The following HECW2 variants were observed in gnomAD, a reference collection of about 807,000 sequenced individuals.
HECW2 encodes the protein HECT, C2 and WW domain containing E3 ubiquitin protein ligase 2, also known as E3 ubiquitin-protein ligase HECW2.
In HECW2, 61 loss-of-function variants were observed where a neutral mutation model predicts 175.2. The observed-to-expected ratio is 0.35, with a 90% CI of 0.28 to 0.43. The LOEUF is 0.43. Ranked by LOEUF, HECW2 falls within the 20% of genes least tolerant of loss-of-function variation. The pLI is 1.00. For missense variants in HECW2, 1,524 were observed against 2,000.5 expected (o/e 0.76, Z 4.54); for synonymous variants, 671 against 731.0 (o/e 0.92, Z 1.32).
At chr2:196,232,292 A>G (rs1465104805) in intron 21 of HECW2, among the ~76,000 whole-genome samples, 1 of 152,202 alleles carries the variant, frequency 6.6e-6, no homozygotes, top group Non-Finnish European at 1.5e-5. Flanking sequence ...TTTACCTCTG[A>G]GTATTTTAAT....
At position 196,441,381 on chromosome 2, in the gene HECW2, A is replaced by AAACAC. The variant is rs1553518076; in HGVS notation, c.-35-7924_-35-7923insGTGTT. ...ACACAACATACAACACACACACACA[A>AAACAC]ACACACACACACACACTTGTTCAAC... On this transcript the variant is annotated intron_variant, in intron 1 of 28. Coordinates refer to ENST00000644978, the MANE Select transcript of HECW2 (RefSeq NM_001348768.2). Among the ~76,000 whole-genome samples, 163 of 151,264 alleles carry AAACAC rather than the reference A, an allele frequency of 1.1e-3. 1 individual carries two copies. Among genetic ancestry groups the AAACAC allele is most frequent in the South Asian group, 2.5e-3 (12 of 4,780 alleles).
chr2:196,573,374 TA>T (rs987713615), intron 1 of HECW2, among the ~76,000 whole-genome samples: 1 of 152,098 alleles, frequency 6.6e-6, no homozygotes, highest in Admixed American at 6.6e-5. Context: ...CAGTGTGCTT[TA>T]TTTTTTTTAA....
intron 2 of HECW2, among the ~76,000 whole-genome samples, chr2:196,421,892 A>G (rs1695415831): frequency 6.6e-6 from 1 of 152,140 alleles, no homozygotes; most frequent in Non-Finnish European, 1.5e-5. Flanking sequence ...GCAATTTTCG[A>G]AAACCCATCT....
At chr2:196,348,522 C>T (rs1449338724) in intron 2 of HECW2, among the ~76,000 whole-genome samples, 1 of 152,060 alleles carries the variant, frequency 6.6e-6, no homozygotes, top group Non-Finnish European at 1.5e-5. Flanking sequence ...GTGGCATGCA[C>T]CTGTAGCCCT....
chr2:196,431,795 A>G (rs897019656), intron 2 of HECW2, among the ~76,000 whole-genome samples: 4 of 152,246 alleles, frequency 2.6e-5, no homozygotes, highest in African/African-American at 9.6e-5. Context: ...CCATAAGGAA[A>G]AAAAAGAGAG....
intron 10 of HECW2, chr2:196,316,691 C>T (rs1691711783): frequency 6.5e-6 from 1 of 153,368 alleles, no homozygotes. Flanking sequence ...CCCTAATCCT[C>T]CACCATTTCT....
At chr2:196,542,605 G>A (rs1294535778) in intron 1 of HECW2, among the ~76,000 whole-genome samples, 2 of 151,884 alleles carry the variant, frequency 1.3e-5, no homozygotes, top group Admixed American at 6.6e-5. Flanking sequence ...TTTTCTGTCA[G>A]CCACCCATTC....
intron 14 of HECW2, among the ~76,000 whole-genome samples, chr2:196,281,743 A>G (rs764989262): frequency 6.6e-6 from 1 of 151,996 alleles, no homozygotes; most frequent in Non-Finnish European, 1.5e-5. Flanking sequence ...AAAACCACAA[A>G]CAGAAGATTT....
At chr2:196,307,886 T>C in intron 11 of HECW2, 49 bp downstream of exon 11, 1 of 1,428,336 alleles carries the variant, frequency 7.0e-7, no homozygotes, top group Non-Finnish European at 9.3e-7. Flanking sequence ...CAAGTAAAAA[T>C]TAGCCCAACC....
At chr2:196,399,069 A>T (rs1391700682) in intron 2 of HECW2, among the ~76,000 whole-genome samples, 1 of 152,208 alleles carries the variant, frequency 6.6e-6, no homozygotes. Flanking sequence ...ATTTCAATTC[A>T]TGATGACATA....
chr2:196,489,521 T>C (rs1401903993), intron 1 of HECW2, among the ~76,000 whole-genome samples: 3 of 152,236 alleles, frequency 2.0e-5, no homozygotes, highest in South Asian at 4.1e-4. Context: ...AGGGTTAACA[T>C]ACTCCAAATC....
At chr2:196,260,840 T>A (rs1174525289) in intron 17 of HECW2, among the ~76,000 whole-genome samples, 1 of 152,216 alleles carries the variant, frequency 6.6e-6, no homozygotes, top group Non-Finnish European at 1.5e-5. Context: ...GCATCCTTGG[T>A]CTACTAGAAA....
At chr2:196,560,754 G>C (rs1265305511) in intron 1 of HECW2, among the ~76,000 whole-genome samples, 1 of 152,186 alleles carries the variant, frequency 6.6e-6, no homozygotes, top group African/African-American at 2.4e-5. Flanking sequence ...CGCGAACGGA[G>C]AGACTTGCTG....
At chr2:196,441,683 G>A (rs937742627) in intron 1 of HECW2, among the ~76,000 whole-genome samples, 2 of 152,128 alleles carry the variant, frequency 1.3e-5, no homozygotes, top group African/African-American at 4.8e-5. Context: ...CAGTCATTCA[G>A]TATAAATGAA....
At chr2:196,375,227 A>G (rs1172652969) in intron 2 of HECW2, among the ~76,000 whole-genome samples, 2 of 152,218 alleles carry the variant, frequency 1.3e-5, no homozygotes, top group Admixed American at 1.3e-4. Flanking sequence ...TTGTATTCAA[A>G]ACTTCAAGTA....
At chr2:196,296,350 C>G (rs1023823777) in intron 13 of HECW2, among the ~76,000 whole-genome samples, 1 of 152,030 alleles carries the variant, frequency 6.6e-6, no homozygotes, top group Non-Finnish European at 1.5e-5. Flanking sequence ...TCCATAGGCA[C>G]GTGAGATTCA....
chr2:196,571,996 G>C (rs1290045228), intron 1 of HECW2, among the ~76,000 whole-genome samples: 1 of 152,188 alleles, frequency 6.6e-6, no homozygotes, highest in Non-Finnish European at 1.5e-5. Context: ...GAAGAATCTT[G>C]AGGGCATTAT....
chr2:196,381,738 T>C (rs1175134232), intron 2 of HECW2, among the ~76,000 whole-genome samples: 1 of 152,118 alleles, frequency 6.6e-6, no homozygotes, highest in Non-Finnish European at 1.5e-5. Context: ...TCTAGTGTGA[T>C]ATAAAGAAGA....
In HECW2 at chr2:196,384,161, C is replaced by T. The variant is rs564931176; in HGVS notation, c.293-40397G>A. On this transcript the variant is annotated intron_variant, in intron 2 of 28. Coordinates refer to ENST00000644978, the MANE Select transcript of HECW2 (RefSeq NM_001348768.2). ...TTTAACAAGCTCATTCAGCACTGTT[C>T]ATTAACCTTACTCATTCACTTGGCA... is the stretch of plus-strand genomic sequence containing the variant. 2.0e-5 allele frequency among the ~76,000 whole-genome samples: 3 copies of T among 152,320 alleles called. No homozygotes were observed. The South Asian group carries it at 6.2e-4, about 32-fold the overall frequency.
Sources: gnomAD v4.1 joint callset for allele counts (sites outside exome capture counted in the v4.1 genomes callset) on GRCh38, gnomAD v4.1.1 for gene constraint, MANE v1.5 for transcripts, NCBI Gene and HGNC (gene_info 2026-07-23, HGNC 2026-07-21) for gene names.